Variants in CYFIP2 observed in about 807,000 individuals in gnomAD.
CYFIP2 encodes the protein cytoplasmic FMR1-interacting protein 2.
Under a neutral mutation model 158.7 loss-of-function variants are expected in CYFIP2, and 29 were observed. That is an observed-to-expected ratio of 0.18 (90% CI 0.14 to 0.25). CYFIP2 has a LOEUF of 0.25. CYFIP2 is among the 10% of genes least tolerant of loss of function. CYFIP2 has a pLI of 1.00. For missense variants in CYFIP2, 852 were observed against 1,639.5 expected, an observed-to-expected ratio of 0.52 and a Z score of 8.29; for synonymous variants, 585 against 617.6, an observed-to-expected ratio of 0.95 and a Z score of 0.78.
chr5:157,323,892 G>T, intron 15 of CYFIP2, 29 bp from the exon 16 acceptor site: 1 of 1,521,496 alleles, frequency 6.6e-7, no homozygotes, highest in South Asian at 1.2e-5. Context: ...GCCAGCTTCT[G>T]ACCTTCTCAT....
At chr5:157,391,693 T>C (rs369450373) in intron 30 of CYFIP2, among the ~76,000 whole-genome samples, 8 of 152,234 alleles carry the variant, frequency 5.3e-5, no homozygotes, top group Admixed American at 3.9e-4. Flanking sequence ...CTGTCACCTT[T>C]TGGGTATTTT....
intron 14 of CYFIP2, 69 bp downstream of exon 14, chr5:157,319,997 C>T: frequency 6.4e-7 from 1 of 1,561,764 alleles, no homozygotes. Context: ...GAGAGGATGT[C>T]CTGGCTCAGC....
At chr5:157,375,995 C>T (rs1581177449) in intron 26 of CYFIP2, 1 of 152,548 alleles carries the variant, frequency 6.6e-6, no homozygotes, top group Non-Finnish European at 1.5e-5. Flanking sequence ...GGCCCACACT[C>T]CTCACAAGCC....
chr5:157,300,707 GC>G lies in CYFIP2; in HGVS notation c.388-3del. The G allele has an allele frequency of 1.9e-6, 3 of 1,574,136 alleles. No individual in the cohort carries two copies. Among genetic ancestry groups the G allele is most frequent in the Non-Finnish European group, 2.6e-6 (3 of 1,158,560 alleles). On this transcript the variant is annotated splice_polypyrimidine_tract_variant and splice_region_variant and intron_variant, in intron 5 of 30. Coordinates refer to ENST00000620254, the MANE Select transcript of CYFIP2 (RefSeq NM_001037333.3). Reference sequence around the variant, plus strand: ...AGTGGACCTTACTCACTGCCCCTCTGCCCCCAGCGCAAGGCCATCGAGCGGT... The same window carrying G: ...AGTGGACCTTACTCACTGCCCCTCTGCCCCAGCGCAAGGCCATCGAGCGGT...
At chr5:157,327,350 A>C (rs1038172512) in intron 18 of CYFIP2, among the ~76,000 whole-genome samples, 5 of 152,196 alleles carry the variant, frequency 3.3e-5, no homozygotes, top group African/African-American at 1.2e-4. Flanking sequence ...GGATCACCTG[A>C]GGTCAGAAGT....
chr5:157,346,731 T>A (rs1266108905), intron 23 of CYFIP2, among the ~76,000 whole-genome samples: 1 of 152,210 alleles, frequency 6.6e-6, no homozygotes, highest in Non-Finnish European at 1.5e-5. Flanking sequence ...CAGCACTGCT[T>A]CCAGCTGGGT....
intron 26 of CYFIP2, among the ~76,000 whole-genome samples, chr5:157,370,396 TA>T (rs1181954173): frequency 1.3e-5 from 2 of 152,166 alleles, no homozygotes; most frequent in Non-Finnish European, 2.9e-5. Flanking sequence ...CACTTCCATT[TA>T]AAAAAATCAT....
rs991658004 is a variant in CYFIP2, at chr5:157,382,680, C to T, written c.3112+18C>T. 1.2e-5 allele frequency: 19 copies of T among 1,612,306 alleles called. No individual in the cohort carries two copies. The highest frequency in any genetic ancestry group is 1.5e-5 in the Non-Finnish European group (18 of 1,178,680). The stretch of plus-strand genomic sequence containing the variant: ...CATCAAAGGTAAGAAACCACTACAG[C>T]AGCTGAATAGCCAACTGGCGTTTGA... On this transcript the variant is annotated intron_variant, in intron 27 of 30. Coordinates refer to ENST00000620254, the MANE Select transcript of CYFIP2 (RefSeq NM_001037333.3).
intron 29 of CYFIP2, 35 bp from the exon 30 acceptor site, chr5:157,390,486 C>G: frequency 1.3e-6 from 2 of 1,538,148 alleles, no homozygotes; most frequent in Non-Finnish European, 1.8e-6. Flanking sequence ...CTCCCCCGAC[C>G]TCTCACTCCA....
chr5:157,395,227 C>A lies in CYFIP2; in HGVS notation c.*2227C>A. The A allele has an allele frequency of 4.1e-6, 1 of 245,710 alleles. No individual in the cohort carries two copies. Among genetic ancestry groups the A allele is most frequent in the South Asian group, 4.7e-5 (1 of 21,150 alleles). 15.2% of individuals were successfully genotyped at this position (245,710 alleles called of 1,614,324 possible). On this transcript the variant is annotated 3_prime_UTR_variant, in exon 31 of 31. Transcript: ENST00000620254. Reference sequence around the variant, plus strand: ...TGCCAGTGGCACTGATTTCCGAACACCCAATGAGTTTAATATTCTTTCCTC... The same window carrying A: ...TGCCAGTGGCACTGATTTCCGAACAACCAATGAGTTTAATATTCTTTCCTC...
At chr5:157,388,262 G>A (rs1766894421) in intron 28 of CYFIP2, among the ~76,000 whole-genome samples, 1 of 152,160 alleles carries the variant, frequency 6.6e-6, no homozygotes, top group Non-Finnish European at 1.5e-5. Flanking sequence ...GTAGTAATGT[G>A]TTTTGACATC....
intron 1 of CYFIP2, among the ~76,000 whole-genome samples, chr5:157,267,906 C>A (rs1460024936): frequency 1.3e-5 from 2 of 152,182 alleles, no homozygotes; most frequent in African/African-American, 2.4e-5. Flanking sequence ...GCAGCTTTGG[C>A]CCTGCAGGCA....
chr5:157,392,379 C>G lies in CYFIP2; in HGVS notation c.3595-454C>G, dbSNP rs1256195208. 5.3e-5 allele frequency among the ~76,000 whole-genome samples: 8 copies of G among 152,232 alleles called. No homozygotes were observed. The East Asian group carries it at 1.5e-3, about 29-fold the overall frequency. On this transcript the variant is annotated intron_variant, in intron 30 of 30. Coordinates refer to ENST00000620254, the MANE Select transcript of CYFIP2 (RefSeq NM_001037333.3). ...TTAATCTCATGGTTACGTCTCTAATCCATTCTGAGTTAATTTTTTGTATAT... is the reference window on the plus strand; with the variant it reads ...TTAATCTCATGGTTACGTCTCTAATGCATTCTGAGTTAATTTTTTGTATAT...
intron 21 of CYFIP2, among the ~76,000 whole-genome samples, chr5:157,337,371 G>A (rs188895480): frequency 1.3e-4 from 20 of 152,246 alleles, no homozygotes; most frequent in East Asian, 1.2e-3. Context: ...ACATGGCAGC[G>A]GTCAGACGGG....
intron 28 of CYFIP2, among the ~76,000 whole-genome samples, chr5:157,387,526 T>A (rs1262611898): frequency 6.6e-6 from 1 of 152,228 alleles, no homozygotes; most frequent in Non-Finnish European, 1.5e-5. Flanking sequence ...TATTCATGGC[T>A]TGAGAACAAA....
At chr5:157,352,006 A>G (rs751561645) in intron 23 of CYFIP2, among the ~76,000 whole-genome samples, 1 of 152,212 alleles carries the variant, frequency 6.6e-6, no homozygotes, top group African/African-American at 2.4e-5. Context: ...GATGATGCTC[A>G]ATAAAACAAA....
At chr5:157,315,213 C>G in intron 13 of CYFIP2, 119 bp downstream of exon 13, 1 of 1,329,588 alleles carries the variant, frequency 7.5e-7, no homozygotes, top group Non-Finnish European at 1.0e-6. Flanking sequence ...TCTTCCCTGT[C>G]CTACCATCTA....
At chr5:157,377,503 C>A (rs763407460) in intron 26 of CYFIP2, among the ~76,000 whole-genome samples, 3 of 152,158 alleles carry the variant, frequency 2.0e-5, no homozygotes, top group African/African-American at 7.2e-5. Flanking sequence ...TCCCCATAGA[C>A]CCCAGGCATA....
rs542818105 is a variant in CYFIP2, at chr5:157,314,924, C to T, written c.1231-45C>T. ...ATGGATCCACCACATTCTGTTTGTC[C>T]GTTCATCAGTTGATGGACGTTTGGT... On this transcript the variant is annotated intron_variant, in intron 12 of 30. Coordinates refer to ENST00000620254, the MANE Select transcript of CYFIP2 (RefSeq NM_001037333.3). 2.4e-5 allele frequency: 35 copies of T among 1,442,868 alleles called. No individual in the cohort carries two copies. In the African/African-American group the frequency reaches 4.1e-4, roughly 17 times the overall value. 89.4% of individuals were successfully genotyped at this position (1,442,868 alleles called of 1,614,324 possible).
Sources: gnomAD v4.1 joint callset for allele counts (sites outside exome capture counted in the v4.1 genomes callset) on GRCh38, gnomAD v4.1.1 for gene constraint, MANE v1.5 for transcripts, NCBI Gene and HGNC (gene_info 2026-07-23, HGNC 2026-07-21) for gene names.